The following TENM4 variants were observed in gnomAD, a reference collection of about 807,000 sequenced individuals.
TENM4 encodes teneurin transmembrane protein 4.
In TENM4, 82 loss-of-function variants were observed where a neutral mutation model predicts 243.3. The ratio of observed to expected loss-of-function variants is 0.34; its 90% confidence interval spans 0.28 to 0.40. The LOEUF is 0.40. Ranked by LOEUF, TENM4 falls within the 10% of genes least tolerant of loss-of-function variation. TENM4 has a pLI of 1.00. For synonymous variants in TENM4, 1,412 were observed against 1,456.3 expected, an observed-to-expected ratio of 0.97 and a Z score of 0.69; for missense variants, 3,138 against 3,673.3, an observed-to-expected ratio of 0.85 and a Z score of 3.77.
At chr11:79,169,726 T>C (rs1245578683) in intron 3 of TENM4, among the ~76,000 whole-genome samples, 1 of 152,140 alleles carries the variant, frequency 6.6e-6, no homozygotes, top group Non-Finnish European at 1.5e-5. Flanking sequence ...CAAACACTTA[T>C]CAGTCAGCAA....
At chr11:79,208,953 C>A (rs1164577016) in intron 3 of TENM4, among the ~76,000 whole-genome samples, 1 of 152,206 alleles carries the variant, frequency 6.6e-6, no homozygotes, top group Non-Finnish European at 1.5e-5. Context: ...CAGAGGTCCA[C>A]AGCCTTGCAA....
chr11:79,166,570 TA>T (rs1277295750), intron 3 of TENM4, among the ~76,000 whole-genome samples: 1 of 152,224 alleles, frequency 6.6e-6, no homozygotes, highest in Non-Finnish European at 1.5e-5. Context: ...TATTGACCCT[TA>T]TTACCTTATT....
At chr11:79,309,484 G>T (rs764518598) in intron 1 of TENM4, among the ~76,000 whole-genome samples, 6 of 152,206 alleles carry the variant, frequency 3.9e-5, no homozygotes, top group Non-Finnish European at 7.3e-5. Context: ...CTTGGCTTCT[G>T]GGGGACCGCC....
intron 2 of TENM4, among the ~76,000 whole-genome samples, chr11:79,232,799 A>G (rs1006999729): frequency 4.6e-5 from 7 of 152,264 alleles, no homozygotes; most frequent in African/African-American, 1.7e-4. Flanking sequence ...GAGGTGAATC[A>G]GTGATCTGGT....
At chr11:78,722,955 G>C (rs1855430580) in intron 23 of TENM4, 38 bp from the exon 24 acceptor site, 3 of 1,601,870 alleles carry the variant, frequency 1.9e-6, no homozygotes, top group Non-Finnish European at 2.6e-6. Context: ...TGTGGAGCAG[G>C]AAATGGGTAT....
At chr11:78,770,883 A>T (rs1299904234) in intron 18 of TENM4, 109 bp downstream of exon 18, 21 of 1,441,926 alleles carry the variant, frequency 1.5e-5, no homozygotes, top group Non-Finnish European at 1.8e-5. Flanking sequence ...GGTCCCCCTG[A>T]CTGGATGACT....
chr11:79,221,355 T>G (rs1040931819), intron 2 of TENM4, among the ~76,000 whole-genome samples: 5 of 151,332 alleles, frequency 3.3e-5, no homozygotes, highest in African/African-American at 1.2e-4. Flanking sequence ...GGATTTTTTT[T>G]AAGCCTTTCT....
intron 9 of TENM4, among the ~76,000 whole-genome samples, chr11:78,888,713 A>G (rs959525689): frequency 6.6e-6 from 1 of 152,244 alleles, no homozygotes; most frequent in Non-Finnish European, 1.5e-5. Flanking sequence ...CACAGTGGGC[A>G]GCACTGTCTT....
intron 6 of TENM4, among the ~76,000 whole-genome samples, chr11:78,936,209 C>G (rs1214143292): frequency 6.6e-6 from 1 of 152,186 alleles, no homozygotes; most frequent in Non-Finnish European, 1.5e-5. Flanking sequence ...TCTTATCATT[C>G]CTTGTGCTAA....
At chr11:79,231,909 G>A (rs796728166) in intron 2 of TENM4, among the ~76,000 whole-genome samples, 8 of 152,124 alleles carry the variant, frequency 5.3e-5, no homozygotes, top group Admixed American at 2.0e-4. Context: ...GTGAAACCCC[G>A]TCTCTACTAA....
At chr11:79,220,542 T>C (rs1426254398) in intron 2 of TENM4, among the ~76,000 whole-genome samples, 1 of 152,220 alleles carries the variant, frequency 6.6e-6, no homozygotes, top group Non-Finnish European at 1.5e-5. Context: ...TGTAGAATAA[T>C]TTCTTCTAGT....
At chr11:79,420,157 GT>G (rs1858900428) in intron 1 of TENM4, among the ~76,000 whole-genome samples, 1 of 152,036 alleles carries the variant, frequency 6.6e-6, no homozygotes, top group Non-Finnish European at 1.5e-5. Context: ...TATGGTAAAG[GT>G]TTTCTCCCTC....
intron 1 of TENM4, among the ~76,000 whole-genome samples, chr11:79,315,732 A>G (rs1856792686): frequency 6.6e-6 from 1 of 152,264 alleles, no homozygotes; most frequent in Non-Finnish European, 1.5e-5. Flanking sequence ...GCTCAAAGCC[A>G]GTGTTTTGAA....
At chr11:79,163,053 G>A (rs574262953) in intron 3 of TENM4, among the ~76,000 whole-genome samples, 1 of 152,150 alleles carries the variant, frequency 6.6e-6, no homozygotes, top group South Asian at 2.1e-4. Flanking sequence ...TTGTCCCTGA[G>A]TGAAGGCAGC....
rs1265031012 is a variant in TENM4, at chr11:79,288,721, T to C, written c.-265+8767A>G. On this transcript the variant is annotated intron_variant, in intron 2 of 33. Transcript: ENST00000278550. ...AAGTGTCAGCTTCTTTCCTGGCTAA[T>C]GTGAATGTAATTTGCTGTTTGTATG... 2.0e-5 allele frequency among the ~76,000 whole-genome samples: 3 copies of C among 152,174 alleles called. No homozygotes were observed. In the East Asian group the frequency reaches 5.8e-4, roughly 29 times the overall value.
chr11:79,379,875 G>T (rs1185392845), intron 1 of TENM4, among the ~76,000 whole-genome samples: 1 of 152,182 alleles, frequency 6.6e-6, no homozygotes, highest in South Asian at 2.1e-4. Context: ...CGGGGCTAAT[G>T]GTGGTGCTGT....
At chr11:79,261,259 CTG>C (rs1400081365) in intron 2 of TENM4, among the ~76,000 whole-genome samples, 4 of 152,290 alleles carry the variant, frequency 2.6e-5, no homozygotes, top group Non-Finnish European at 5.9e-5. Flanking sequence ...TGCAGAAAAA[CTG>C]AGCTGAACTA....
chr11:79,391,176 T>C (rs1858225158), intron 1 of TENM4, among the ~76,000 whole-genome samples: 2 of 152,298 alleles, frequency 1.3e-5, no homozygotes, highest in African/African-American at 4.8e-5. Context: ...TTAAAATATG[T>C]AGGGCATTTG....
At position 78,658,221 on chromosome 11, in the gene TENM4, C is replaced by A. The variant is rs1486204118; in HGVS notation, c.8147G>T (p.Gly2716Val). 6.2e-7 allele frequency: 1 copy of A among 1,613,996 alleles called. No individual in the cohort carries two copies. Among genetic ancestry groups the A allele is most frequent in the Non-Finnish European group, 8.5e-7 (1 of 1,179,868 alleles). Residue 2716 changes from glycine (G) to valine (V), a missense_variant, in exon 34 of 34, where the codon GGC (glycine) becomes GTC (valine). Physicochemically the swap from Gly to Val is moderately radical, Grantham distance 109 (BLOSUM62 -3). Coordinates refer to ENST00000278550, the MANE Select transcript of TENM4 (RefSeq NM_001098816.3). Reference sequence around the variant, plus strand: ...CTCCCCCTCTGTCCAGGCCCGCAGGCCTTCCTCCCCTTCCCGCAGTCTCTG... The same window carrying A: ...CTCCCCCTCTGTCCAGGCCCGCAGGACTTCCTCCCCTTCCCGCAGTCTCTG... ...EQQRLREGEE[G>V]LRAWTEGEKQ...
Sources: gnomAD v4.1 joint callset for allele counts (sites outside exome capture counted in the v4.1 genomes callset) on GRCh38, gnomAD v4.1.1 for gene constraint, MANE v1.5 for transcripts, NCBI Gene and HGNC (gene_info 2026-07-23, HGNC 2026-07-21) for gene names.